DMD: variants seen among roughly 807,000 people sequenced by gnomAD.
DMD encodes mutant dystrophin.
DMD carries 63 observed loss-of-function variants against 330.1 expected under a neutral mutation model. The ratio of observed to expected loss-of-function variants is 0.19; its 90% CI spans 0.16 to 0.24. The LOEUF (loss-of-function observed/expected upper bound fraction) is 0.24, where lower values mean the gene tolerates loss of function less well. Ranked by LOEUF, DMD falls within the 10% of genes least tolerant of loss-of-function variation. DMD has a pLI of 1.00. For synonymous variants in DMD, 1,223 were observed against 959.8 expected, an observed-to-expected ratio of 1.27 and a Z score of -5.07; for missense variants, 3,344 against 2,684.1, an observed-to-expected ratio of 1.25 and a Z score of -5.43.
At chrX:31,877,511 G>A (rs746010246) in intron 47 of DMD, among the ~76,000 whole-genome samples, 1 of 112,157 alleles carries the variant, frequency 8.9e-6, no homozygotes, top group Non-Finnish European at 1.9e-5. Context: ...CTCATTCCTG[G>A]CAGCCTTTCC....
At chrX:32,411,408 T>C (rs2098141428) in intron 30 of DMD, among the ~76,000 whole-genome samples, 1 of 111,431 alleles carries the variant, frequency 9.0e-6, no homozygotes, top group Non-Finnish European at 1.9e-5. Context: ...GGATTACAGG[T>C]GTGAGCCACC....
intron 2 of DMD, among the ~76,000 whole-genome samples, chrX:32,917,072 T>C (rs1018494363): frequency 9.0e-6 from 1 of 110,757 alleles, no homozygotes; most frequent in Non-Finnish European, 1.9e-5. Flanking sequence ...GGGAGATGAC[T>C]GGATCATGGG....
intron 30 of DMD, among the ~76,000 whole-genome samples, chrX:32,402,591 C>T (rs749710739): frequency 4.0e-4 from 45 of 111,285 alleles, no homozygotes; most frequent in South Asian, 7.5e-4. Context: ...TACCAAATAA[C>T]GTGAATGCTT....
chrX:31,449,947 G>A (rs1197973641), intron 59 of DMD, among the ~76,000 whole-genome samples: 1 of 107,529 alleles, frequency 9.3e-6, no homozygotes, highest in Non-Finnish European at 1.9e-5. Context: ...TCACTTACTA[G>A]GAATTCAAAA....
chrX:31,365,094 CAAAAA>C (rs35244488), intron 60 of DMD, among the ~76,000 whole-genome samples: 1 of 44,142 alleles, frequency 2.3e-5, no homozygotes. Flanking sequence ...GACCCCATCT[CAAAAA>C]AAAAAAAAAA....
At chrX:31,332,297 A>C (rs1283198847) in intron 61 of DMD, among the ~76,000 whole-genome samples, 1 of 112,363 alleles carries the variant, frequency 8.9e-6, no homozygotes, top group Admixed American at 9.4e-5. Context: ...AGAGCTTTCC[A>C]GTCAAGTTTT....
intron 48 of DMD, among the ~76,000 whole-genome samples, chrX:31,840,989 T>C (rs1428385800): frequency 9.0e-6 from 1 of 111,219 alleles, no homozygotes; most frequent in Non-Finnish European, 1.9e-5. Context: ...AATCAAAAGC[T>C]AGAAATGATT....
chrX:31,824,065 C>T (rs763607607), intron 49 of DMD, among the ~76,000 whole-genome samples: 2 of 111,433 alleles, frequency 1.8e-5, no homozygotes, highest in Non-Finnish European at 3.8e-5. Context: ...AGTTAAAAAG[C>T]AAAACACAGA....
At position 31,895,727 on chromosome X, in the gene DMD, A is replaced by C. The variant is rs138523700; in HGVS notation, c.6913-20354T>G. On this transcript the variant is annotated intron_variant, in intron 47 of 78. Coordinates refer to ENST00000357033, the MANE Select transcript of DMD (RefSeq NM_004006.3). Reference sequence around the variant, plus strand: ...TGAACAGAGCTCATTCTGCTTTCCAAATATCTAATCTGCAGTAGATACTTA... The same window carrying C: ...TGAACAGAGCTCATTCTGCTTTCCACATATCTAATCTGCAGTAGATACTTA... 8.0e-5 allele frequency among the ~76,000 whole-genome samples: 9 copies of C among 111,945 alleles called. No homozygotes were observed. In the East Asian group the frequency reaches 1.7e-3, roughly 21 times the overall value.
At chrX:32,453,766 C>A (rs1356181998) in intron 26 of DMD, among the ~76,000 whole-genome samples, 1 of 110,636 alleles carries the variant, frequency 9.0e-6, no homozygotes, top group Non-Finnish European at 1.9e-5. Context: ...GGCATGGGGC[C>A]GAACTAAGTT....
intron 16 of DMD, among the ~76,000 whole-genome samples, chrX:32,565,091 T>G (rs1438079497): frequency 9.0e-6 from 1 of 111,626 alleles, no homozygotes; most frequent in African/African-American, 3.2e-5. Flanking sequence ...TTAAAAATTA[T>G]TATAATAAAA....
intron 2 of DMD, among the ~76,000 whole-genome samples, chrX:32,949,965 C>CAA (rs201823049): frequency 1.3e-5 from 1 of 74,942 alleles, no homozygotes. Context: ...GGTGCAGAGG[C>CAA]AAAAAAAAAA....
At chrX:32,821,190 A>G (rs757305133) in intron 5 of DMD, among the ~76,000 whole-genome samples, 1 of 111,674 alleles carries the variant, frequency 9.0e-6, no homozygotes, top group African/African-American at 3.2e-5. Flanking sequence ...GAATAAAAAT[A>G]TATGGGGGCC....
intron 62 of DMD, among the ~76,000 whole-genome samples, chrX:31,315,584 C>G (rs1338380238): frequency 8.9e-6 from 1 of 111,836 alleles, no homozygotes; most frequent in African/African-American, 3.3e-5. Flanking sequence ...TTGGATAAAC[C>G]AACTTGAATA....
At chrX:32,613,476 C>T (rs182331608) in intron 12 of DMD, among the ~76,000 whole-genome samples, 1 of 110,500 alleles carries the variant, frequency 9.0e-6, no homozygotes, top group African/African-American at 3.3e-5. Flanking sequence ...GGGAGCATAA[C>T]TGGAAATGTA....
intron 2 of DMD, among the ~76,000 whole-genome samples, chrX:32,877,048 G>A (rs1392258210): frequency 1.9e-5 from 2 of 107,537 alleles, no homozygotes; most frequent in Non-Finnish European, 3.9e-5. Flanking sequence ...GGGTGCCAGT[G>A]GATAACAGTG....
At chrX:32,596,051 T>C (rs949569835) in intron 12 of DMD, among the ~76,000 whole-genome samples, 175 bp from the exon 13 acceptor site, 15 of 112,053 alleles carry the variant, frequency 1.3e-4, no homozygotes, top group Non-Finnish European at 2.6e-4. Flanking sequence ...AAAATTTATA[T>C]GTTCTATTGT....
chrX:32,566,974 GAACT>G (rs376126167), intron 15 of DMD, among the ~76,000 whole-genome samples: 86 of 112,100 alleles, frequency 7.7e-4, no homozygotes, highest in African/African-American at 2.5e-3. Context: ...GTTTATTTAA[GAACT>G]AACATACCAC....
intron 71 of DMD, 121 bp downstream of exon 71, chrX:31,177,811 A>G: frequency 1.5e-6 from 1 of 658,358 alleles, no homozygotes; most frequent in Non-Finnish European, 2.4e-6. Context: ...AGGAAGGGGA[A>G]TTAATATGTC....
Sources: allele counts gnomAD v4.1 joint callset (sites outside exome capture counted in the v4.1 genomes callset), GRCh38; gene constraint gnomAD v4.1.1; transcripts MANE v1.5; gene names NCBI Gene and HGNC (gene_info 2026-07-23, HGNC 2026-07-21).